GRID2: variants seen among roughly 807,000 people sequenced by gnomAD.
The protein encoded by GRID2 is glutamate receptor ionotropic, delta-2.
In GRID2, 33 loss-of-function variants were observed where a neutral mutation model predicts 114.8. That is an observed-to-expected ratio of 0.29 (90% CI 0.22 to 0.38). The LOEUF (loss-of-function observed/expected upper bound fraction) is 0.38, where lower values mean the gene tolerates loss of function less well. Among genes scored for constraint, GRID2 ranks in the 10% least tolerant of loss-of-function variants. The pLI is 1.00. For synonymous variants in GRID2, 505 were observed against 449.9 expected, an observed-to-expected ratio of 1.12 and a Z score of -1.55; for missense variants, 1,184 against 1,257.7, an observed-to-expected ratio of 0.94 and a Z score of 0.89.
intron 2 of GRID2, among the ~76,000 whole-genome samples, chr4:92,727,044 A>G (rs1353341814): frequency 1.3e-5 from 2 of 152,050 alleles, no homozygotes; most frequent in Non-Finnish European, 2.9e-5. Flanking sequence ...CTCAAATAAC[A>G]TTCTCAGTTA....
chr4:93,201,919 A>AT lies in GRID2; in HGVS notation c.736-5474dup, dbSNP rs373571911. Among the ~76,000 whole-genome samples, 195 of 147,560 alleles carry AT rather than the reference A, an allele frequency of 1.3e-3. 1 individual carries two copies. In the Middle Eastern group the frequency reaches 0.021, roughly 16 times the overall value. Reference sequence around the variant, plus strand: ...TTGCTTGTCTTCCTGACAGGACTTGATTTTTTTTTTTCCTTTTTTGCTCAA... The same window carrying AT: ...TTGCTTGTCTTCCTGACAGGACTTGATTTTTTTTTTTTCCTTTTTTGCTCAA... On this transcript the variant is annotated intron_variant, in intron 4 of 15. Transcript: ENST00000282020.
chr4:92,355,023 T>G (rs1513456), intron 1 of GRID2, among the ~76,000 whole-genome samples: 28,581 of 151,892 alleles, frequency 0.19, 3,900 homozygotes, highest in African/African-American at 0.4. Context: ...TGTCACTCAA[T>G]AATCAATTCA....
Position 92,555,630 on chromosome 4 carries a change from C to T in GRID2, c.89-34501C>T, listed in dbSNP as rs140080531. On this transcript the variant is annotated intron_variant, in intron 1 of 15. Transcript: ENST00000282020. ...TTACTTAATTGCATTTTGGCATGTT[C>T]TCGAGGCTTTTTAACTTCTCGTCTG... Among the ~76,000 whole-genome samples the T allele has an allele frequency of 2.4e-3, 362 of 152,158 alleles. 2 individuals carry two copies. Among genetic ancestry groups the T allele is most frequent in the African/African-American group, 8.5e-3 (352 of 41,532 alleles).
rs1737475088 is a variant in GRID2 at position 92,751,995 on chromosome 4, A to G, written c.244+161709A>G. The stretch of plus-strand genomic sequence containing the variant: ...TCGGTGACCTTGTAGTGAATTTTGC[A>G]AAAGTGCGAATTTCTCTGTCTCAGG... On this transcript the variant is annotated intron_variant, in intron 2 of 15. Coordinates refer to ENST00000282020, the MANE Select transcript of GRID2 (RefSeq NM_001510.4). Among the ~76,000 whole-genome samples, 2 of 152,196 alleles carry G rather than the reference A, an allele frequency of 1.3e-5. 1 individual carries two copies. Among genetic ancestry groups the G allele is most frequent in the South Asian group, 4.1e-4 (2 of 4,828 alleles).
intron 2 of GRID2, among the ~76,000 whole-genome samples, chr4:93,063,163 T>C (rs757786444): frequency 3.3e-5 from 5 of 151,914 alleles, no homozygotes; most frequent in Non-Finnish European, 5.9e-5. Flanking sequence ...AATAGTACTA[T>C]GAAATTCAAC....
intron 8 of GRID2, chr4:93,318,508 A>C (rs760741610): frequency 2.6e-5 from 4 of 152,138 alleles, no homozygotes; most frequent in Non-Finnish European, 4.4e-5. Flanking sequence ...AATTTGCTGA[A>C]TGTATGCTGG....
intron 1 of GRID2, among the ~76,000 whole-genome samples, chr4:92,305,516 C>G (rs1274899198): frequency 6.6e-6 from 1 of 152,044 alleles, no homozygotes; most frequent in Non-Finnish European, 1.5e-5. Context: ...TAGCAGATAT[C>G]CGCCTTGCCT....
intron 2 of GRID2, among the ~76,000 whole-genome samples, chr4:92,892,539 G>C (rs1387985384): frequency 6.6e-6 from 1 of 152,134 alleles, no homozygotes; most frequent in Non-Finnish European, 1.5e-5. Flanking sequence ...TGAGAATAAA[G>C]AATGTATTTT....
chr4:93,377,192 T>C (rs976472341), intron 8 of GRID2, among the ~76,000 whole-genome samples: 2 of 152,180 alleles, frequency 1.3e-5, no homozygotes, highest in East Asian at 1.9e-4. Flanking sequence ...TTGATAATTG[T>C]TTCAGTAGGA....
intron 2 of GRID2, among the ~76,000 whole-genome samples, chr4:92,915,336 A>C (rs1245078224): frequency 6.6e-6 from 1 of 152,168 alleles, no homozygotes; most frequent in Non-Finnish European, 1.5e-5. Flanking sequence ...CTATGCTGTT[A>C]GACATTAGAA....
chr4:93,368,406 G>GTTTTTTTTTTATTATACTTAAAGT (rs10633842), intron 8 of GRID2, among the ~76,000 whole-genome samples: 2 of 151,250 alleles, frequency 1.3e-5, no homozygotes, highest in Admixed American at 6.6e-5. Flanking sequence ...AATAACTAAA[G>GTTTTTTTTTTATTATACTTAAAGT]TTTTTTTTTA....
At chr4:92,974,688 G>A (rs1279872170) in intron 2 of GRID2, among the ~76,000 whole-genome samples, 1 of 150,500 alleles carries the variant, frequency 6.6e-6, no homozygotes, top group Admixed American at 6.6e-5. Context: ...GTGTCGCGGG[G>A]GTAGGGGGGT....
chr4:92,600,042 G>GTATATA (rs1264402444), intron 2 of GRID2, among the ~76,000 whole-genome samples: 115 of 70,294 alleles, frequency 1.6e-3, no homozygotes, highest in African/African-American at 2.8e-3. Context: ...GTGTGTGTGT[G>GTATATA]TGTATATATA....
chr4:92,656,846 T>A (rs1732264582), intron 2 of GRID2, among the ~76,000 whole-genome samples: 2 of 151,788 alleles, frequency 1.3e-5, no homozygotes, highest in Non-Finnish European at 3.0e-5. Flanking sequence ...TGTGACGTAA[T>A]TAAGGTAGGA....
chr4:93,104,866 C>T (rs1167586743), intron 3 of GRID2, among the ~76,000 whole-genome samples: 2 of 151,962 alleles, frequency 1.3e-5, no homozygotes, highest in Admixed American at 6.6e-5. Context: ...AGTTCTAGAT[C>T]CCTGAGGAAT....
chr4:92,748,632 G>GTATTAT (rs10673614), intron 2 of GRID2, among the ~76,000 whole-genome samples: 11,474 of 137,590 alleles, frequency 0.083, 523 homozygotes, highest in East Asian at 0.12. Context: ...TAATTAAATT[G>GTATTAT]TATTATTATT....
At chr4:93,088,405 ATAGTCT>A (rs1401052772) in intron 3 of GRID2, among the ~76,000 whole-genome samples, 5 of 152,174 alleles carry the variant, frequency 3.3e-5, no homozygotes, top group Admixed American at 6.6e-5. Context: ...ATTACAAAAC[ATAGTCT>A]TAGTCTTTAA....
chr4:93,296,592 A>G (rs58617965), intron 8 of GRID2, among the ~76,000 whole-genome samples: 8,224 of 152,206 alleles, frequency 0.054, 746 homozygotes, highest in African/African-American at 0.19. Flanking sequence ...TTTACATGCA[A>G]ACATCCAACA....
intron 3 of GRID2, among the ~76,000 whole-genome samples, chr4:93,101,713 TG>T (rs1221050547): frequency 1.9e-4 from 29 of 152,224 alleles, no homozygotes; most frequent in African/African-American, 6.7e-4. Context: ...TTATTTTACG[TG>T]ATTTAATAAA....
Sources: allele counts gnomAD v4.1 joint callset (sites outside exome capture counted in the v4.1 genomes callset), GRCh38; gene constraint gnomAD v4.1.1; transcripts MANE v1.5; gene names NCBI Gene and HGNC (gene_info 2026-07-23, HGNC 2026-07-21).